The following DMD variants were observed in gnomAD, a reference collection of about 807,000 sequenced individuals.
DMD encodes the protein mutant dystrophin.
Under a neutral mutation model 330.1 loss-of-function variants are expected in DMD, and 63 were observed. The observed-to-expected ratio is 0.19, with a 90% CI of 0.16 to 0.24. The LOEUF (loss-of-function observed/expected upper bound fraction) is 0.24, where lower values mean the gene tolerates loss of function less well. Among genes scored for constraint, DMD ranks in the 10% least tolerant of loss-of-function variants. DMD has a pLI of 1.00. For missense variants in DMD, 3,344 were observed against 2,684.1 expected (o/e 1.25, Z -5.43); for synonymous variants, 1,223 against 959.8 (o/e 1.27, Z -5.07).
rs886043081 is a variant in DMD at position 32,545,181 on chromosome X, C to G, written c.2146G>C (p.Val716Leu). The change falls in exon 17 of 79, where the codon GTG becomes CTG. Residue 716 changes from valine to leucine, a missense_variant. Transcript: ENST00000357033. ...PPPQKKRQIT[V>L]DSEIRKRLDV... ...CACCTTTTCCTAATTTCAGAATCCA[C>G]AGTAATCTGCCTCTTCTTTTGGGGA... 6.6e-6 allele frequency: 8 copies of G among 1,210,797 alleles called. No homozygotes were observed. Among genetic ancestry groups the G allele is most frequent in the Non-Finnish European group, 8.9e-6 (8 of 894,746 alleles).
chrX:33,186,040 G>C (rs1488380611), intron 1 of DMD, among the ~76,000 whole-genome samples: 2 of 111,448 alleles, frequency 1.8e-5, no homozygotes, highest in Non-Finnish European at 3.8e-5. Flanking sequence ...TGGGGGCGTG[G>C]GGCCAAACAG....
rs2067907628 is a variant in DMD at position 32,732,927 on chromosome X, G to A, written c.650-33634C>T. 1.8e-5 allele frequency among the ~76,000 whole-genome samples: 2 copies of A among 111,276 alleles called. 1 individual carries two copies. The highest frequency in any genetic ancestry group is 6.6e-5 in the African/African-American group (2 of 30,465). On this transcript the variant is annotated intron_variant, in intron 7 of 78. Coordinates refer to ENST00000357033, the MANE Select transcript of DMD (RefSeq NM_004006.3). ...ACACATAACAATATTAACCTTAAAT[G>A]TAAATGGGCTAAATGCTCCAACTAA...
intron 16 of DMD, among the ~76,000 whole-genome samples, chrX:32,550,269 C>A (rs1361609399): frequency 9.0e-6 from 1 of 111,445 alleles, no homozygotes; most frequent in Non-Finnish European, 1.9e-5. Flanking sequence ...TTAAAACCCA[C>A]AAAATTATAC....
intron 49 of DMD, among the ~76,000 whole-genome samples, chrX:31,832,675 T>C (rs1273828842): frequency 8.9e-6 from 1 of 112,336 alleles, no homozygotes; most frequent in Non-Finnish European, 1.9e-5. Flanking sequence ...TAAAACATAT[T>C]ACTAGGTTTG....
chrX:31,560,338 T>C (rs2075125615), intron 55 of DMD, among the ~76,000 whole-genome samples: 1 of 111,572 alleles, frequency 9.0e-6, no homozygotes, highest in South Asian at 3.8e-4. Flanking sequence ...AATGATGCAA[T>C]TACTAATAGG....
At chrX:32,712,382 A>G (rs1031686714) in intron 7 of DMD, among the ~76,000 whole-genome samples, 3 of 111,696 alleles carry the variant, frequency 2.7e-5, no homozygotes, top group African/African-American at 6.5e-5. Context: ...GTAGATATGT[A>G]TGAGTATTAC....
intron 2 of DMD, among the ~76,000 whole-genome samples, chrX:32,896,294 G>T (rs757017309): frequency 9.0e-6 from 1 of 111,634 alleles, no homozygotes; most frequent in South Asian, 3.8e-4. Flanking sequence ...TTACTTTAAC[G>T]CCTTTCATCA....
intron 47 of DMD, among the ~76,000 whole-genome samples, chrX:31,896,661 T>C (rs1307918426): frequency 8.9e-6 from 1 of 111,872 alleles, no homozygotes; most frequent in Non-Finnish European, 1.9e-5. Context: ...CTTTTACCTT[T>C]ATTGAGTATA....
chrX:33,087,396 G>T (rs907748977), intron 1 of DMD, among the ~76,000 whole-genome samples: 10 of 112,085 alleles, frequency 8.9e-5, no homozygotes, highest in African/African-American at 2.9e-4. Flanking sequence ...CCAATTGTGA[G>T]AACTTAAAAT....
At chrX:32,610,675 G>C (rs748954975) in intron 12 of DMD, among the ~76,000 whole-genome samples, 2 of 111,051 alleles carry the variant, frequency 1.8e-5, no homozygotes, top group South Asian at 7.5e-4. Context: ...CTTTAATTTT[G>C]TCATCTGCAA....
chrX:32,143,842 G>A (rs1275456794), intron 44 of DMD, among the ~76,000 whole-genome samples: 1 of 109,966 alleles, frequency 9.1e-6, no homozygotes, highest in African/African-American at 3.3e-5. Context: ...GAGCCACCGT[G>A]CCCGGCCACA....
chrX:32,479,660 T>A (rs73451787), intron 21 of DMD, among the ~76,000 whole-genome samples: 1,848 of 109,796 alleles, frequency 0.017, 43 homozygotes, highest in African/African-American at 0.057. Flanking sequence ...ATATATATCA[T>A]ATATAGACAC....
At chrX:33,190,986 ATATATATAATATATAATAT>A (rs2050589404) in intron 1 of DMD, among the ~76,000 whole-genome samples, 1 of 1,590 alleles carries the variant, frequency 6.3e-4, no homozygotes, top group African/African-American at 1.8e-3. Context: ...TATTATATAT[ATATATATAATATATAATAT>A]TATATATATA....
At chrX:32,129,527 G>C (rs2096678160) in intron 44 of DMD, among the ~76,000 whole-genome samples, 1 of 110,659 alleles carries the variant, frequency 9.0e-6, no homozygotes, top group Non-Finnish European at 1.9e-5. Context: ...ATTGAATCAG[G>C]ATTACATTCA....
At chrX:32,381,480 T>G (rs1420261082) in intron 33 of DMD, among the ~76,000 whole-genome samples, 1 of 111,287 alleles carries the variant, frequency 9.0e-6, no homozygotes, top group Non-Finnish European at 1.9e-5. Context: ...TTGGTTGGTT[T>G]AATAAAAATC....
At chrX:32,724,772 T>C (rs1774185910) in intron 7 of DMD, among the ~76,000 whole-genome samples, 2 of 112,244 alleles carry the variant, frequency 1.8e-5, no homozygotes, top group South Asian at 7.3e-4. Flanking sequence ...ACTAACCTGT[T>C]ATAAATTACA....
chrX:32,788,220 T>C (rs781086238), intron 7 of DMD, among the ~76,000 whole-genome samples: 8 of 112,098 alleles, frequency 7.1e-5, no homozygotes, highest in Non-Finnish European at 1.1e-4. Context: ...GAATTTCTTG[T>C]CACTCTTGTT....
chrX:31,300,976 G>A (rs1278748595), intron 62 of DMD, among the ~76,000 whole-genome samples: 1 of 112,033 alleles, frequency 8.9e-6, no homozygotes, highest in African/African-American at 3.2e-5. Context: ...GAAATCTGGA[G>A]AGAGATTGGC....
chrX:32,122,638 C>G (rs1603626350), intron 44 of DMD, among the ~76,000 whole-genome samples: 1 of 111,490 alleles, frequency 9.0e-6, no homozygotes, highest in Middle Eastern at 4.6e-3. Context: ...TTTTTGAGAT[C>G]ATCTTGAGCT....
Sources: allele counts gnomAD v4.1 joint callset (sites outside exome capture counted in the v4.1 genomes callset), GRCh38; gene constraint gnomAD v4.1.1; transcripts MANE v1.5; gene names NCBI Gene and HGNC (gene_info 2026-07-23, HGNC 2026-07-21).